The following DIRAS2 variants were observed in gnomAD, a reference collection of about 807,000 sequenced individuals.
DIRAS2 encodes GTP-binding protein Di-Ras2.
Under a neutral mutation model 13.9 loss-of-function variants are expected in DIRAS2, and 5 were observed. The ratio of observed to expected loss-of-function variants is 0.36; its 90% CI spans 0.19 to 0.76. The LOEUF (loss-of-function observed/expected upper bound fraction) is 0.76, where lower values mean the gene tolerates loss of function less well. Ranked by LOEUF, DIRAS2 falls within the 30% of genes least tolerant of loss-of-function variation. The pLI is 0.53. For synonymous variants in DIRAS2, 111 were observed against 105.4 expected (o/e 1.05, Z -0.33); for missense variants, 191 against 263.0 (o/e 0.73, Z 1.89).
intron 1 of DIRAS2, among the ~76,000 whole-genome samples, chr9:90,636,143 T>C (rs1011114632): frequency 7.1e-6 from 1 of 141,470 alleles, no homozygotes; most frequent in Non-Finnish European, 1.5e-5. Context: ...GTTCACGCCA[T>C]TCTCCTGCCT....
At chr9:90,639,911 AG>A (rs575347730) in intron 1 of DIRAS2, among the ~76,000 whole-genome samples, 7 of 152,360 alleles carry the variant, frequency 4.6e-5, no homozygotes, top group Admixed American at 4.6e-4. Flanking sequence ...CGAACATGTT[AG>A]CTTTTAAATT....
rs1202587516 is a variant in DIRAS2 at position 90,613,158 on chromosome 9, G to T, written c.*70C>A. On this transcript the variant is annotated 3_prime_UTR_variant, in exon 2 of 2. Coordinates refer to ENST00000375765, the MANE Select transcript of DIRAS2 (RefSeq NM_017594.5). The surrounding 1 kb of genome is among the most constrained non-coding windows in gnomAD (Gnocchi z 5.6). ...TGGGCATTATACATGCTACCCTGAC[G>T]ACGGTGGGTGTCATTTTGGGGGAGT... is the stretch of plus-strand genomic sequence containing the variant. The T allele has an allele frequency of 5.1e-6, 8 of 1,558,012 alleles. No homozygotes were observed. Among genetic ancestry groups the T allele is most frequent in the South Asian group, 1.2e-5 (1 of 80,388 alleles).
At chr9:90,620,128 G>C (rs371493254) in intron 1 of DIRAS2, among the ~76,000 whole-genome samples, 1 of 152,166 alleles carries the variant, frequency 6.6e-6, no homozygotes, top group Admixed American at 6.5e-5. Context: ...TGGCTGTACC[G>C]TAAAACCCTG....
chr9:90,611,348 G>T lies in DIRAS2; in HGVS notation c.*1880C>A, dbSNP rs1288586638. On this transcript the variant is annotated 3_prime_UTR_variant, in exon 2 of 2. Transcript: ENST00000375765. ...CTTCTCTGCTTTCTCAGCTCAGCAT[G>T]AGTGTTCCCCCTGTAAAGTCAGGGC... 6.6e-6 allele frequency: 1 copy of T among 152,254 alleles called. No homozygotes were observed. The highest frequency in any genetic ancestry group is 2.4e-5 in the African/African-American group (1 of 41,424). The allele number at this position is 152,254 out of a possible 1,614,324, so 9.4% of individuals were successfully genotyped here. A position where few individuals can be genotyped will look rare whatever the true frequency, so the allele number is the denominator to read the frequency against.
In DIRAS2 at chr9:90,613,987, T is replaced by C; in HGVS notation, c.-36-124A>G. 5 of 1,015,150 alleles carry C rather than the reference T, an allele frequency of 4.9e-6. No homozygotes were observed. Among genetic ancestry groups the C allele is most frequent in the East Asian group, 2.7e-5 (1 of 36,908 alleles). The allele number at this position is 1,015,150 out of a possible 1,614,324, so 62.9% of individuals were successfully genotyped here. ...GTGATAACATTTAAAATAGCGACAATTCTAAATCCAATAAATTTGGTCAAT... is the reference window on the plus strand; with the variant it reads ...GTGATAACATTTAAAATAGCGACAACTCTAAATCCAATAAATTTGGTCAAT... On this transcript the variant is annotated intron_variant, in intron 1 of 1. Transcript: ENST00000375765. This position sits in a 1 kb window ranked among gnomAD's most constrained non-coding sequence, Gnocchi z 5.6.
intron 1 of DIRAS2, among the ~76,000 whole-genome samples, chr9:90,625,193 C>T (rs1205807547): frequency 6.6e-6 from 1 of 152,154 alleles, no homozygotes; most frequent in Admixed American, 6.5e-5. Context: ...GTTATGAGGG[C>T]TTGATGCACT....
At chr9:90,620,831 G>T (rs930866785) in intron 1 of DIRAS2, among the ~76,000 whole-genome samples, 1 of 152,072 alleles carries the variant, frequency 6.6e-6, no homozygotes, top group Non-Finnish European at 1.5e-5. Context: ...GTGGCCTGCT[G>T]GGTGCTGGAA....
chr9:90,616,560 T>C (rs989922396), intron 1 of DIRAS2, among the ~76,000 whole-genome samples: 3 of 152,102 alleles, frequency 2.0e-5, no homozygotes, highest in African/African-American at 7.2e-5. Context: ...TGAAGGGGTA[T>C]AAAGTTCAAT....
At chr9:90,623,593 A>G (rs552042472) in intron 1 of DIRAS2, among the ~76,000 whole-genome samples, 1 of 152,350 alleles carries the variant, frequency 6.6e-6, no homozygotes, top group East Asian at 1.9e-4. Context: ...TTCAGGGAAA[A>G]TGCATTTTGA....
chr9:90,616,406 T>G (rs1038828913), intron 1 of DIRAS2, among the ~76,000 whole-genome samples: 3 of 152,176 alleles, frequency 2.0e-5, no homozygotes, highest in African/African-American at 7.2e-5. Flanking sequence ...GATAACTTCA[T>G]AAATATTTAA....
chr9:90,628,838 T>G (rs1422991547), intron 1 of DIRAS2, among the ~76,000 whole-genome samples: 1 of 149,658 alleles, frequency 6.7e-6, no homozygotes, highest in African/African-American at 2.5e-5. Context: ...TGAACCACCT[T>G]GCCCAGCCTA....
chr9:90,636,449 A>C (rs1002259518), intron 1 of DIRAS2, among the ~76,000 whole-genome samples: 2 of 152,206 alleles, frequency 1.3e-5, no homozygotes, highest in African/African-American at 2.4e-5. Context: ...AAAAGTTACC[A>C]TGCAAAAATC....
intron 1 of DIRAS2, among the ~76,000 whole-genome samples, chr9:90,640,690 G>C (rs1825411244): frequency 6.6e-6 from 1 of 152,192 alleles, no homozygotes; most frequent in African/African-American, 2.4e-5. Flanking sequence ...ATATGAGTGA[G>C]AATTGGGGAT....
chr9:90,629,721 A>T (rs1231883883), intron 1 of DIRAS2, among the ~76,000 whole-genome samples: 1 of 152,242 alleles, frequency 6.6e-6, no homozygotes, highest in Non-Finnish European at 1.5e-5. Context: ...TAGGTTACTT[A>T]TCATACCTAA....
At chr9:90,636,567 C>T (rs1825373360) in intron 1 of DIRAS2, among the ~76,000 whole-genome samples, 2 of 152,204 alleles carry the variant, frequency 1.3e-5, no homozygotes, top group Non-Finnish European at 2.9e-5. Flanking sequence ...TGGCAACTTA[C>T]TCAACATGAT....
intron 1 of DIRAS2, among the ~76,000 whole-genome samples, chr9:90,624,025 G>T (rs1333985648): frequency 6.6e-6 from 1 of 152,130 alleles, no homozygotes; most frequent in Non-Finnish European, 1.5e-5. Context: ...AAGCTAAAAG[G>T]TTTACAAAGC....
intron 1 of DIRAS2, among the ~76,000 whole-genome samples, chr9:90,622,397 T>C (rs958482097): frequency 2.0e-5 from 3 of 152,136 alleles, no homozygotes; most frequent in Admixed American, 2.0e-4. Context: ...TCTTCTTTCA[T>C]CAAACTTTGC....
At chr9:90,635,928 C>G (rs989984068) in intron 1 of DIRAS2, among the ~76,000 whole-genome samples, 1 of 152,066 alleles carries the variant, frequency 6.6e-6, no homozygotes, top group East Asian at 1.9e-4. Flanking sequence ...AGGGCAAGAC[C>G]CTTCTGCCCC....
intron 1 of DIRAS2, among the ~76,000 whole-genome samples, chr9:90,616,124 C>T (rs1825166604): frequency 6.6e-6 from 1 of 152,230 alleles, no homozygotes. Flanking sequence ...ACAGCACATA[C>T]ACTCTTTATG....
Sources: gnomAD v4.1 joint callset for allele counts (sites outside exome capture counted in the v4.1 genomes callset) on GRCh38, gnomAD v4.1.1 for gene constraint, Gnocchi (gnomAD v3.1) non-coding constraint, MANE v1.5 for transcripts, NCBI Gene and HGNC (gene_info 2026-07-23, HGNC 2026-07-21) for gene names.